Variants in UBASH3B observed in about 807,000 individuals in gnomAD.
UBASH3B encodes ubiquitin associated and SH3 domain containing B.
In UBASH3B, 37 loss-of-function variants were observed where a neutral mutation model predicts 83.4. The ratio of observed to expected loss-of-function variants is 0.44; its 90% CI spans 0.34 to 0.58. The LOEUF is 0.58. Ranked by LOEUF, UBASH3B falls within the 20% of genes least tolerant of loss-of-function variation. The pLI, the probability that UBASH3B is intolerant of heterozygous loss-of-function variation, is 0.01. For missense variants in UBASH3B, 657 were observed against 827.2 expected, an observed-to-expected ratio of 0.79 and a Z score of 2.52; for synonymous variants, 304 against 318.3, an observed-to-expected ratio of 0.96 and a Z score of 0.48.
At chr11:122,800,403 C>T (rs1474150645) in intron 10 of UBASH3B, among the ~76,000 whole-genome samples, 1 of 113,634 alleles carries the variant, frequency 8.8e-6, no homozygotes, top group Non-Finnish European at 1.9e-5. Flanking sequence ...AAAAAAAAAA[C>T]AAGAGCTGGG....
intron 1 of UBASH3B, among the ~76,000 whole-genome samples, chr11:122,744,942 C>T (rs1034375945): frequency 5.0e-5 from 7 of 141,124 alleles, no homozygotes; most frequent in Admixed American, 7.4e-5. Flanking sequence ...CCGCACAGCC[C>T]GGGGAAGGGC....
rs7128198 is a variant in UBASH3B, at chr11:122,655,893, C to G, written c.-157C>G. ...GGCCTCACCAGGAAGCGTCAGAGTC[C>G]CGACACTGGGGAAGCTCGGAGCGCC... On this transcript the variant is annotated 5_prime_UTR_variant, in exon 1 of 14. Transcript: ENST00000284273. The G allele has an allele frequency of 1.3e-6, 1 of 799,634 alleles. No individual in the cohort carries two copies. The highest frequency in any genetic ancestry group is 1.8e-6 in the Non-Finnish European group (1 of 550,016). The allele number at this position is 799,634 out of a possible 1,614,324, so 49.5% of individuals were successfully genotyped here.
At chr11:122,744,871 C>CTGTGTGTGTGTGTGTG (rs1472956565) in intron 1 of UBASH3B, among the ~76,000 whole-genome samples, 2 of 26,010 alleles carry the variant, frequency 7.7e-5, no homozygotes, top group Non-Finnish European at 1.5e-4. Context: ...ACATGTGTGA[C>CTGTGTGTGTGTGTGTG]TCTGTGTGTG....
chr11:122,739,933 A>C (rs1424954658), intron 1 of UBASH3B, among the ~76,000 whole-genome samples: 1 of 152,174 alleles, frequency 6.6e-6, no homozygotes, highest in African/African-American at 2.4e-5. Context: ...GTCTTCTATG[A>C]TAGCTGATTT....
intron 11 of UBASH3B, among the ~76,000 whole-genome samples, chr11:122,801,950 C>T (rs1373778777): frequency 6.6e-6 from 1 of 152,086 alleles, no homozygotes; most frequent in Non-Finnish European, 1.5e-5. Flanking sequence ...TCCATTAGAC[C>T]CGACTGTGCT....
intron 1 of UBASH3B, among the ~76,000 whole-genome samples, chr11:122,698,584 G>A (rs1195313821): frequency 6.6e-6 from 1 of 152,114 alleles, no homozygotes; most frequent in Non-Finnish European, 1.5e-5. Flanking sequence ...GGTAAGGCAG[G>A]TGCCAGCTGT....
intron 1 of UBASH3B, among the ~76,000 whole-genome samples, chr11:122,665,878 C>A (rs1445178475): frequency 6.6e-6 from 1 of 152,182 alleles, no homozygotes; most frequent in Non-Finnish European, 1.5e-5. Flanking sequence ...CTCAGGGGCA[C>A]CTTTTAAATT....
At chr11:122,749,741 A>T (rs1199150063) in intron 1 of UBASH3B, among the ~76,000 whole-genome samples, 1 of 151,910 alleles carries the variant, frequency 6.6e-6, no homozygotes, top group Non-Finnish European at 1.5e-5. Context: ...TATTTTATTT[A>T]TTTTATTTTA....
chr11:122,750,747 T>TTC (rs1203813136), intron 1 of UBASH3B, among the ~76,000 whole-genome samples: 1 of 152,186 alleles, frequency 6.6e-6, no homozygotes, highest in Non-Finnish European at 1.5e-5. Flanking sequence ...TTTAAGATCC[T>TTC]AGTCCAAGCT....
rs535090464 is a variant in UBASH3B at position 122,814,140 on chromosome 11, C to A, written c.*4254C>A. The A allele has an allele frequency of 4.5e-4, 69 of 152,744 alleles. No individual in the cohort carries two copies. Among genetic ancestry groups the A allele is most frequent in the African/African-American group, 1.6e-3 (67 of 41,570 alleles). The allele number at this position is 152,744 out of a possible 1,614,324, so 9.5% of individuals were successfully genotyped here. A position where few individuals can be genotyped will look rare whatever the true frequency, so the allele number is the denominator to read the frequency against. On this transcript the variant is annotated 3_prime_UTR_variant, in exon 14 of 14. Transcript: ENST00000284273. ...TTGATTGCCACTCAAGATGGAAACA[C>A]CATGCCAAGGCATTTTGGTTATACA...
At chr11:122,780,503 A>C (rs527377736) in intron 4 of UBASH3B, among the ~76,000 whole-genome samples, 2 of 152,332 alleles carry the variant, frequency 1.3e-5, no homozygotes, top group South Asian at 2.1e-4. Context: ...CTCCAGCATG[A>C]AATCACAATT....
chr11:122,804,845 A>C (rs550287561), intron 11 of UBASH3B, among the ~76,000 whole-genome samples: 5 of 152,236 alleles, frequency 3.3e-5, no homozygotes, highest in African/African-American at 4.8e-5. Flanking sequence ...AAGAAAATTG[A>C]AATGACATAG....
chr11:122,726,349 C>CTTTTTTTT (rs11369075), intron 1 of UBASH3B: 2 of 127,140 alleles, frequency 1.6e-5, no homozygotes, highest in African/African-American at 6.1e-5. Flanking sequence ...TCTTCTTCTT[C>CTTTTTTTT]TTTTTTTTTT....
At chr11:122,691,280 C>G (rs1863892676) in intron 1 of UBASH3B, among the ~76,000 whole-genome samples, 1 of 152,200 alleles carries the variant, frequency 6.6e-6, no homozygotes, top group African/African-American at 2.4e-5. Context: ...CAAGGTGGCT[C>G]TGACTCCTTT....
intron 1 of UBASH3B, among the ~76,000 whole-genome samples, chr11:122,707,117 G>A (rs746230956): frequency 6.6e-6 from 1 of 152,076 alleles, no homozygotes. Context: ...GATTTTTGCT[G>A]GAGAAAATTA....
Position 122,794,701 on chromosome 11 carries a change from G to A in UBASH3B, c.981-1G>A. ...AACACCTTCCTTATCTTCCTCTGCA[G>A]TTCTTATTCAATCTTAAATACATCG... On this transcript the variant is annotated splice_acceptor_variant, in intron 6 of 13. Transcript: ENST00000284273. LOFTEE classifies it high-confidence loss of function. 4 of 1,614,058 alleles carry A rather than the reference G, an allele frequency of 2.5e-6. No homozygotes were observed. Among genetic ancestry groups the A allele is most frequent in the Non-Finnish European group, 3.4e-6 (4 of 1,179,988 alleles).
At chr11:122,699,768 G>A (rs1458907301) in intron 1 of UBASH3B, among the ~76,000 whole-genome samples, 1 of 151,790 alleles carries the variant, frequency 6.6e-6, no homozygotes, top group African/African-American at 2.4e-5. Flanking sequence ...TTTTTTTGTA[G>A]AGACATGGTT....
intron 1 of UBASH3B, among the ~76,000 whole-genome samples, chr11:122,745,041 G>A (rs35526900): frequency 0.34 from 52,120 of 151,682 alleles, 9,550 homozygotes; most frequent in African/African-American, 0.49. Flanking sequence ...CTCCCAGGGA[G>A]CCCGTCTGCC....
intron 1 of UBASH3B, among the ~76,000 whole-genome samples, chr11:122,768,678 G>A (rs1860594339): frequency 6.6e-6 from 1 of 151,938 alleles, no homozygotes; most frequent in Non-Finnish European, 1.5e-5. Flanking sequence ...GCTAATTTTT[G>A]TATTTTTGGT....
Sources: allele counts gnomAD v4.1 joint callset (sites outside exome capture counted in the v4.1 genomes callset), GRCh38; gene constraint gnomAD v4.1.1; transcripts MANE v1.5; gene names NCBI Gene and HGNC (gene_info 2026-07-23, HGNC 2026-07-21).